Variants in KNTC1 observed in about 807,000 individuals in gnomAD.
The protein encoded by KNTC1 is kinetochore associated 1.
A neutral mutation model predicts 314.4 loss-of-function variants in KNTC1; 253 were observed. The ratio of observed to expected loss-of-function variants is 0.80; its 90% CI spans 0.73 to 0.89. The LOEUF (loss-of-function observed/expected upper bound fraction) is 0.89. Ranked by LOEUF, KNTC1 falls within the 40% of genes least tolerant of loss-of-function variation. KNTC1 has a pLI of 0.00. For missense variants in KNTC1, 2,475 were observed against 2,572.9 expected (o/e 0.96, Z 0.82); for synonymous variants, 901 against 901.4 (o/e 1.00, Z 0.01).
chr12:122,602,538 T>A, intron 45 of KNTC1, 31 bp from the exon 46 acceptor site: 1 of 1,430,512 alleles, frequency 7.0e-7, no homozygotes, highest in South Asian at 1.2e-5. Flanking sequence ...GGGTTACTCT[T>A]ACTGGACAAA....
intron 33 of KNTC1, among the ~76,000 whole-genome samples, 174 bp downstream of exon 33, chr12:122,580,844 C>T (rs868747521): frequency 3.3e-5 from 5 of 152,066 alleles, no homozygotes; most frequent in South Asian, 2.1e-4. Flanking sequence ...CTGGCTAACA[C>T]GGTGAAACCC....
At chr12:122,591,252 T>G (rs1222189606) in intron 41 of KNTC1, 85 bp from the exon 42 acceptor site, 2 of 779,930 alleles carry the variant, frequency 2.6e-6, no homozygotes, top group Non-Finnish European at 4.6e-6. Flanking sequence ...AAAGTTATGA[T>G]TTTTATTGTT....
Position 122,604,908 on chromosome 12 carries a change from T to C in KNTC1, c.5207T>C (p.Leu1736Ser). ...DEKREKAEAL[L>S]KKLHIQYRRS... ...AAACGTGAAAAAGCCGAGGCTTTGT[T>C]GAAGAAGCTTCATATCCAGTACCGG... The change falls in exon 50 of 64, where the codon TTG (leucine) becomes TCG (serine). Residue 1736 changes from leucine to serine, a missense_variant. Leu to Ser is a moderately radical substitution (Grantham distance 145). Coordinates refer to ENST00000333479, the MANE Select transcript of KNTC1 (RefSeq NM_014708.6). 3.1e-6 allele frequency: 5 copies of C among 1,608,798 alleles called. No homozygotes were observed. Among genetic ancestry groups the C allele is most frequent in the Non-Finnish European group, 4.2e-6 (5 of 1,177,464 alleles).
Position 122,541,287 on chromosome 12 carries a change from G to GCCTGCCTGCCTGCCTTCCTT in KNTC1, c.446-760_446-759insGCCTGCCTGCCTTCCTTCCT, listed in dbSNP as rs758235054. 8.9e-4 allele frequency among the ~76,000 whole-genome samples: 108 copies of GCCTGCCTGCCTGCCTTCCTT among 120,888 alleles called. 1 individual carries two copies. The highest frequency in any genetic ancestry group is 3.4e-3 in the African/African-American group (95 of 27,642). The allele number at this position is 120,888 out of a possible 152,430, so 79.3% of individuals were successfully genotyped here. On this transcript the variant is annotated intron_variant, in intron 5 of 63. Transcript: ENST00000333479. ...TGCCTGCCTGCCTGCCTGCCTGCCT[G>GCCTGCCTGCCTGCCTTCCTT]CCTTCCTTCCTTCCTTCCTTCCTTC...
At chr12:122,547,643 A>C in intron 11 of KNTC1, 113 bp downstream of exon 11, 4 of 737,492 alleles carry the variant, frequency 5.4e-6, no homozygotes, top group Non-Finnish European at 8.9e-6. Context: ...ACTGTGAAAC[A>C]GTCTGACAGA....
intron 33 of KNTC1, 43 bp downstream of exon 33, chr12:122,580,713 C>A: frequency 7.5e-7 from 1 of 1,333,910 alleles, no homozygotes; most frequent in South Asian, 1.3e-5. Context: ...CTTGACCAAT[C>A]AGTGCATTTT....
At chr12:122,620,992 G>T (rs1374618642) in intron 60 of KNTC1, among the ~76,000 whole-genome samples, 1 of 152,218 alleles carries the variant, frequency 6.6e-6, no homozygotes, top group Non-Finnish European at 1.5e-5. Context: ...TATCCCACTT[G>T]ATCTCTTCAT....
chr12:122,572,121 A>G (rs1964725593), intron 24 of KNTC1, among the ~76,000 whole-genome samples: 1 of 151,922 alleles, frequency 6.6e-6, no homozygotes, highest in Non-Finnish European at 1.5e-5. Flanking sequence ...GCTGGGCACG[A>G]TGGCTTACGC....
rs1873830054 is a variant in KNTC1 at position 122,616,953 on chromosome 12, T to A, written c.6031-1390T>A. ...TACTTTCTGTCCATGGATTTGCCTATTCTGGACATTTTGTATCAACAGAAT... is the reference window on the plus strand; with the variant it reads ...TACTTTCTGTCCATGGATTTGCCTAATCTGGACATTTTGTATCAACAGAAT... On this transcript the variant is annotated intron_variant, in intron 57 of 63. Transcript: ENST00000333479. Among the ~76,000 whole-genome samples the A allele has an allele frequency of 1.3e-5, 2 of 152,190 alleles. 1 individual carries two copies. The highest frequency in any genetic ancestry group is 4.1e-4 in the South Asian group (2 of 4,834).
intron 51 of KNTC1, among the ~76,000 whole-genome samples, chr12:122,609,032 C>T (rs1202626921): frequency 6.6e-6 from 1 of 152,008 alleles, no homozygotes; most frequent in Admixed American, 6.6e-5. Context: ...GTACTCCAGC[C>T]TGAGTGACAG....
In KNTC1 at chr12:122,551,309, G is replaced by T. The variant is rs1184599948; in HGVS notation, c.1087-10G>T. 5 of 1,511,584 alleles carry T rather than the reference G, an allele frequency of 3.3e-6. No individual in the cohort carries two copies. In the Admixed American group the frequency reaches 9.2e-5, roughly 28 times the overall value. The allele number at this position is 1,511,584 out of a possible 1,614,324, so 93.6% of individuals were successfully genotyped here. On this transcript the variant is annotated splice_polypyrimidine_tract_variant and intron_variant, in intron 13 of 63. Coordinates refer to ENST00000333479, the MANE Select transcript of KNTC1 (RefSeq NM_014708.6). ...ATTGGAATTTTAATCATGTTTTTTT[G>T]TTATTGTAGGATACCATATACCTTT...
At chr12:122,530,852 C>A (rs1961256210) in intron 2 of KNTC1, among the ~76,000 whole-genome samples, 1 of 152,168 alleles carries the variant, frequency 6.6e-6, no homozygotes, top group Non-Finnish European at 1.5e-5. Flanking sequence ...TGTTTCCTAC[C>A]AGAGTCAAGC....
At chr12:122,565,514 TA>T (rs1180549653) in intron 20 of KNTC1, among the ~76,000 whole-genome samples, 7 of 128,520 alleles carry the variant, frequency 5.4e-5, no homozygotes, top group East Asian at 2.2e-4. Flanking sequence ...TTGTTATTAT[TA>T]TTTTTTTTTT....
rs774062872 is a variant in KNTC1 at position 122,546,686 on chromosome 12, G to A, written c.816+12G>A. On this transcript the variant is annotated intron_variant, in intron 10 of 63. Coordinates refer to ENST00000333479, the MANE Select transcript of KNTC1 (RefSeq NM_014708.6). ...TTCTTGATACTGATGTATGTTTCTT[G>A]TTTCTCCTTCAATGTTTTTACTTGA... The A allele has an allele frequency of 6.5e-7, 1 of 1,528,566 alleles. No individual in the cohort carries two copies. Among genetic ancestry groups the A allele is most frequent in the South Asian group, 1.2e-5 (1 of 84,212 alleles). The allele number at this position is 1,528,566 out of a possible 1,614,324, so 94.7% of individuals were successfully genotyped here. A position where few individuals can be genotyped will look rare whatever the true frequency, so the allele number is the denominator to read the frequency against.
intron 51 of KNTC1, among the ~76,000 whole-genome samples, chr12:122,607,310 C>T (rs1872673556): frequency 6.6e-6 from 1 of 152,170 alleles, no homozygotes; most frequent in Non-Finnish European, 1.5e-5. Flanking sequence ...ATGTTCCTTC[C>T]ACCTTGGCCT....
chr12:122,580,652 A>G lies in KNTC1; in HGVS notation c.2964A>G (p.Lys988=). ...GTGAAGAAATGTTGAAACTATTTAA[A>G]GAGGTTGCTAGCTTACAGGTAAACA... ...DECEEMLKLF[K]EVASLQENFE... is the part of the protein sequence containing the mutation. The change falls in exon 33 of 64, where the codon AAA becomes AAG. Residue 988 remains lysine, a synonymous_variant. Transcript: ENST00000333479. The G allele has an allele frequency of 6.4e-7, 1 of 1,568,352 alleles. No individual in the cohort carries two copies.
At chr12:122,616,796 A>G (rs1002760583) in intron 57 of KNTC1, among the ~76,000 whole-genome samples, 1 of 152,194 alleles carries the variant, frequency 6.6e-6, no homozygotes. Flanking sequence ...AGTTTTTGGT[A>G]TATGCACAGA....
chr12:122,571,488 A>C (rs746122795), intron 24 of KNTC1, among the ~76,000 whole-genome samples: 1 of 151,876 alleles, frequency 6.6e-6, no homozygotes, highest in African/African-American at 2.4e-5. Context: ...CCTCCTGAGT[A>C]GCTGGGACTA....
chr12:122,585,505 A>G lies in KNTC1; in HGVS notation c.3535-131A>G, dbSNP rs1869133474. ...CTTTCAAAACATTGGGCCTCCAGCA[A>G]GGCCTCCCTCGACATTGTCCTTCTG... is the stretch of plus-strand genomic sequence containing the variant. On this transcript the variant is annotated intron_variant, in intron 36 of 63. Coordinates refer to ENST00000333479, the MANE Select transcript of KNTC1 (RefSeq NM_014708.6). The G allele has an allele frequency of 5.2e-6, 5 of 958,070 alleles. No individual in the cohort carries two copies. The African/African-American group carries it at 6.6e-5, about 13-fold the overall frequency. 59.3% of individuals were successfully genotyped at this position (958,070 alleles called of 1,614,324 possible). A position where few individuals can be genotyped will look rare whatever the true frequency, so the allele number is the denominator to read the frequency against.
Sources: gnomAD v4.1 joint callset for allele counts (sites outside exome capture counted in the v4.1 genomes callset) on GRCh38, gnomAD v4.1.1 for gene constraint, MANE v1.5 for transcripts, NCBI Gene and HGNC (gene_info 2026-07-23, HGNC 2026-07-21) for gene names.